TANGO6: variants seen among roughly 807,000 people sequenced by gnomAD.
The protein encoded by TANGO6 is transport and Golgi organization protein 6 homolog.
In TANGO6, 90 loss-of-function variants were observed where a neutral mutation model predicts 114.2. That is an observed-to-expected ratio of 0.79 (90% CI 0.66 to 0.94). The LOEUF (loss-of-function observed/expected upper bound fraction) is 0.94. TANGO6 is among the 40% of genes least tolerant of loss of function. TANGO6 has a pLI of 0.00. For synonymous variants in TANGO6, 477 were observed against 509.8 expected, an observed-to-expected ratio of 0.94 and a Z score of 0.87; for missense variants, 1,274 against 1,315.3, an observed-to-expected ratio of 0.97 and a Z score of 0.49.
chr16:68,913,931 C>T (rs1254456604), intron 11 of TANGO6, among the ~76,000 whole-genome samples: 2 of 152,074 alleles, frequency 1.3e-5, no homozygotes, highest in African/African-American at 4.8e-5. Flanking sequence ...GAGGTTTACT[C>T]TTAAGAGATG....
chr16:68,994,915 A>C (rs1355843505), intron 15 of TANGO6, among the ~76,000 whole-genome samples: 1 of 152,114 alleles, frequency 6.6e-6, no homozygotes, highest in African/African-American at 2.4e-5. Flanking sequence ...GAGACTATTT[A>C]ATGCAAAGGA....
chr16:69,048,383 T>C lies in TANGO6; in HGVS notation c.3108+7962T>C, dbSNP rs114508779. 3.2e-3 allele frequency among the ~76,000 whole-genome samples: 485 copies of C among 150,788 alleles called. 4 individuals are homozygous for C. Among genetic ancestry groups the C allele is most frequent in the African/African-American group, 0.012 (470 of 40,810 alleles). ...TTTCAAAGTGCCAGGATTACAGGCG[T>C]GAACCACTGTGCCCTGCCAGGATTA... On this transcript the variant is annotated intron_variant, in intron 17 of 17. Transcript: ENST00000261778.
intron 15 of TANGO6, among the ~76,000 whole-genome samples, chr16:69,002,131 G>A (rs1268629471): frequency 6.6e-6 from 1 of 152,232 alleles, no homozygotes; most frequent in South Asian, 2.1e-4. Flanking sequence ...CAGGATCTGT[G>A]ACATCTTCTA....
chr16:68,853,902 A>G (rs907138350), intron 1 of TANGO6, among the ~76,000 whole-genome samples: 2 of 152,200 alleles, frequency 1.3e-5, no homozygotes, highest in Non-Finnish European at 2.9e-5. Flanking sequence ...ATCTTTTCAT[A>G]TGCAGTTGGT....
intron 16 of TANGO6, among the ~76,000 whole-genome samples, chr16:69,030,676 G>A (rs1334192677): frequency 6.6e-6 from 1 of 151,992 alleles, no homozygotes; most frequent in African/African-American, 2.4e-5. Context: ...CAAATAGGTA[G>A]TAGGTTGTTT....
chr16:68,982,056 A>G (rs758166895), intron 15 of TANGO6, among the ~76,000 whole-genome samples: 6 of 152,206 alleles, frequency 3.9e-5, no homozygotes, highest in African/African-American at 7.2e-5. Flanking sequence ...CGCCCAGGAT[A>G]CTACCAGGCA....
At chr16:69,051,946 C>CTT (rs35401100) in intron 17 of TANGO6, among the ~76,000 whole-genome samples, 19 of 135,306 alleles carry the variant, frequency 1.4e-4, no homozygotes, top group Middle Eastern at 3.5e-3. Context: ...CTTTCTTTTT[C>CTT]TTTTTTTTTT....
chr16:68,942,022 A>T (rs1279436736), intron 14 of TANGO6, among the ~76,000 whole-genome samples: 1 of 151,996 alleles, frequency 6.6e-6, no homozygotes, highest in African/African-American at 2.4e-5. Flanking sequence ...CAGCGTGATA[A>T]TCAAAAGACT....
At chr16:68,958,823 A>G (rs1378823878) in intron 14 of TANGO6, among the ~76,000 whole-genome samples, 1 of 152,050 alleles carries the variant, frequency 6.6e-6, no homozygotes, top group Admixed American at 6.5e-5. Context: ...CTGTGGTCCC[A>G]GCTACTCAGG....
At chr16:69,004,355 C>CT (rs796509463) in intron 15 of TANGO6, among the ~76,000 whole-genome samples, 4,431 of 144,602 alleles carry the variant, frequency 0.031, 170 homozygotes, top group African/African-American at 0.092. Context: ...TATTTCTTTT[C>CT]TTTTTTTTTT....
At chr16:68,846,059 C>G (rs892436722) in intron 1 of TANGO6, among the ~76,000 whole-genome samples, 1 of 151,380 alleles carries the variant, frequency 6.6e-6, no homozygotes, top group Admixed American at 6.6e-5. Flanking sequence ...GAATTTCGCT[C>G]TTGTTGCCCA....
intron 15 of TANGO6, among the ~76,000 whole-genome samples, chr16:69,015,630 C>G (rs1488604236): frequency 6.6e-6 from 1 of 151,856 alleles, no homozygotes; most frequent in Non-Finnish European, 1.5e-5. Flanking sequence ...TACAGGCGCC[C>G]GCCACCACGC....
At chr16:69,075,762 C>CTTT (rs751940886) in intron 17 of TANGO6, among the ~76,000 whole-genome samples, 6 of 127,566 alleles carry the variant, frequency 4.7e-5, no homozygotes, top group Admixed American at 7.9e-5. Flanking sequence ...CTGAATTCAA[C>CTTT]TTTTTTTTTT....
At chr16:69,015,327 G>C (rs1252516770) in intron 15 of TANGO6, among the ~76,000 whole-genome samples, 1 of 152,100 alleles carries the variant, frequency 6.6e-6, no homozygotes, top group Non-Finnish European at 1.5e-5. Context: ...GGAAAACAAG[G>C]TAGCAAGTGA....
Position 68,860,514 on chromosome 16 carries a change from C to G in TANGO6, c.725C>G (p.Pro242Arg). Residue 242 changes from proline (P) to arginine (R), a missense_variant, in exon 2 of 18, where the codon CCT (proline) becomes CGT (arginine). Pro to Arg is a moderately radical substitution (Grantham distance 103). Coordinates refer to ENST00000261778, the MANE Select transcript of TANGO6 (RefSeq NM_024562.2). ...CCAACCAAAAGAAAACTGCTAACACCTGCAGAAGAGGTAAATATACATTGA... is the reference window on the plus strand; with the variant it reads ...CCAACCAAAAGAAAACTGCTAACACGTGCAGAAGAGGTAAATATACATTGA... ...FCPTKRKLLTPAEEVLTEEER... is the reference protein window; with the variant it reads ...FCPTKRKLLTRAEEVLTEEER... 1 of 1,612,890 alleles carries G rather than the reference C, an allele frequency of 6.2e-7. No homozygotes were observed. The highest frequency in any genetic ancestry group is 1.3e-5 in the African/African-American group (1 of 75,000).
At chr16:68,988,218 A>G (rs544813583) in intron 15 of TANGO6, among the ~76,000 whole-genome samples, 1 of 152,236 alleles carries the variant, frequency 6.6e-6, no homozygotes, top group South Asian at 2.1e-4. Context: ...TTATCTGCCT[A>G]AATATTGACA....
At chr16:68,958,308 G>A (rs889819765) in intron 14 of TANGO6, among the ~76,000 whole-genome samples, 1 of 151,782 alleles carries the variant, frequency 6.6e-6, no homozygotes, top group African/African-American at 2.4e-5. Flanking sequence ...GCCTCAACAT[G>A]GAGAAACCCT....
Position 68,963,407 on chromosome 16 carries a change from A to G in TANGO6, c.2702-10621A>G, listed in dbSNP as rs995459639. Among the ~76,000 whole-genome samples the G allele has an allele frequency of 3.3e-5, 5 of 152,300 alleles. No individual in the cohort carries two copies. The South Asian group carries it at 8.3e-4, about 25-fold the overall frequency. On this transcript the variant is annotated intron_variant, in intron 14 of 17. Transcript: ENST00000261778. The stretch of plus-strand genomic sequence containing the variant: ...GCTGGGATTACAGGTGTGAACCACC[A>G]TGCCCAGCCCCTTGCCCTACTTTTT...
Position 68,974,072 on chromosome 16 carries a change from G to T in TANGO6, c.2746G>T (p.Asp916Tyr), listed in dbSNP as rs1963736845. The change falls in exon 15 of 18, where the codon GAC (aspartate) becomes TAC (tyrosine). Residue 916 changes from aspartate to tyrosine, a missense_variant. This residue lies in a region of TANGO6 where 238 missense variants were observed against 252.9 expected (regional missense o/e 0.94). Coordinates refer to ENST00000261778, the MANE Select transcript of TANGO6 (RefSeq NM_024562.2). ...CGTCTATCCTGAGAAAATCTTGCCG[G>T]ACTTGTTGGCTCAATATGACAGCAG... ...SDVYPEKILP[D>Y]LLAQYDSSKD... 1 of 1,613,342 alleles carries T rather than the reference G, an allele frequency of 6.2e-7. No homozygotes were observed. Among genetic ancestry groups the T allele is most frequent in the Non-Finnish European group, 8.5e-7 (1 of 1,179,658 alleles).
Sources: gnomAD v4.1 joint callset for allele counts (sites outside exome capture counted in the v4.1 genomes callset) on GRCh38, gnomAD v4.1.1 for gene constraint, gnomAD v4.1.1 regional missense constraint, MANE v1.5 for transcripts, NCBI Gene and HGNC (gene_info 2026-07-23, HGNC 2026-07-21) for gene names.